GABRG1: variants seen among roughly 807,000 people sequenced by gnomAD.
GABRG1 encodes the protein gamma-aminobutyric acid receptor subunit gamma-1.
Under a neutral mutation model 49.8 loss-of-function variants are expected in GABRG1, and 49 were observed. The ratio of observed to expected loss-of-function variants is 0.98; its 90% confidence interval spans 0.78 to 1.25. The LOEUF (loss-of-function observed/expected upper bound fraction) is 1.25. Among genes scored for constraint, GABRG1 ranks in the 50% most tolerant of loss-of-function variants. GABRG1 has a pLI of 0.00. For synonymous variants in GABRG1, 232 were observed against 185.1 expected (o/e 1.25, Z -2.06); for missense variants, 552 against 552.3 (o/e 1.00, Z 0.01).
intron 2 of GABRG1, among the ~76,000 whole-genome samples, chr4:46,089,559 A>G (rs973046699): frequency 6.6e-6 from 1 of 152,110 alleles, no homozygotes; most frequent in South Asian, 2.1e-4. Context: ...CCTGTGTCTC[A>G]AGAGAGGATG....
chr4:46,116,404 G>A (rs1185860240), intron 1 of GABRG1, among the ~76,000 whole-genome samples: 2 of 150,648 alleles, frequency 1.3e-5, no homozygotes, highest in African/African-American at 4.8e-5. Context: ...AATACAAATC[G>A]TGGTGACATT....
In GABRG1 at chr4:46,041,197, G is replaced by A. The variant is rs1462801964; in HGVS notation, c.1189C>T (p.Pro397Ser). The A allele has an allele frequency of 2.5e-6, 4 of 1,612,800 alleles. No individual in the cohort carries two copies. The East Asian group carries it at 8.9e-5, about 36-fold the overall frequency. ...TLIPMNNISV[P>S]QEDDYGYQCL... ...TGATACCCATAATCATCTTCTTGCGGCACAGAAATATTATTCATTGGAATC... is the reference window on the plus strand; with the variant it reads ...TGATACCCATAATCATCTTCTTGCGACACAGAAATATTATTCATTGGAATC... The change falls in exon 9 of 9, where the codon CCG becomes TCG. Residue 397 changes from proline (P) to serine (S), a missense_variant. Physicochemically the swap from Pro to Ser is moderately conservative, Grantham distance 74. Transcript: ENST00000295452.
intron 5 of GABRG1, 97 bp downstream of exon 5, chr4:46,064,343 CT>C (rs1294110193): frequency 2.3e-5 from 15 of 651,102 alleles, no homozygotes; most frequent in Non-Finnish European, 3.4e-5. Context: ...ATAACTCACA[CT>C]TTTGAAAATC....
At chr4:46,062,337 C>A (rs894377295) in intron 5 of GABRG1, among the ~76,000 whole-genome samples, 1 of 151,864 alleles carries the variant, frequency 6.6e-6, no homozygotes, top group Non-Finnish European at 1.5e-5. Context: ...AATAAACATA[C>A]GTGTGCATGT....
chr4:46,040,992 A>G lies in GABRG1; in HGVS notation c.1394T>C (p.Leu465Ser). 2 of 1,607,196 alleles carry G rather than the reference A, an allele frequency of 1.2e-6. No individual in the cohort carries two copies. Among genetic ancestry groups the G allele is most frequent in the Non-Finnish European group, 1.7e-6 (2 of 1,176,500 alleles). Reference protein sequence around the residue: ...NLVYWVGYLYL With the variant: ...NLVYWVGYLYS ...TTTTTGCTTATGAAGTAGATTTTATAAGTAAAGATAGCCAACCCAATAAAC... is the reference window on the plus strand; with the variant it reads ...TTTTTGCTTATGAAGTAGATTTTATGAGTAAAGATAGCCAACCCAATAAAC... Residue 465 changes from leucine to serine, a missense_variant, in exon 9 of 9, where the codon TTA becomes TCA. Transcript: ENST00000295452.
At chr4:46,094,866 A>T (rs891970941) in intron 2 of GABRG1, among the ~76,000 whole-genome samples, 2 of 151,972 alleles carry the variant, frequency 1.3e-5, no homozygotes, top group Non-Finnish European at 1.5e-5. Flanking sequence ...CAAAATAATT[A>T]TTGCAGAATT....
intron 1 of GABRG1, among the ~76,000 whole-genome samples, chr4:46,121,100 T>C (rs1721078559): frequency 6.6e-6 from 1 of 151,756 alleles, no homozygotes; most frequent in African/African-American, 2.4e-5. Flanking sequence ...TAAAATAGTG[T>C]TTCTCCTCTA....
rs34820575 is a variant in GABRG1, at chr4:46,060,257, A to ATGTG, written c.626-1639_626-1636dup. ...CTCCCTTTTAGCTTTCGGTGGTTGT[A>ATGTG]TGTGTGTGTGTGTGTGTGTGTGTGT... On this transcript the variant is annotated intron_variant, in intron 5 of 8. Transcript: ENST00000295452. Among the ~76,000 whole-genome samples the ATGTG allele has an allele frequency of 6.8e-3, 1,019 of 149,386 alleles. 5 individuals carry two copies. The highest frequency in any genetic ancestry group is 0.02 in the African/African-American group (827 of 40,796).
At chr4:46,119,771 TTTAA>T (rs1330515979) in intron 1 of GABRG1, among the ~76,000 whole-genome samples, 1 of 151,522 alleles carries the variant, frequency 6.6e-6, no homozygotes, top group Admixed American at 6.6e-5. Flanking sequence ...ATATTTTTTA[TTTAA>T]TTAGTGTCAT....
chr4:46,121,483 A>T (rs1186684183), intron 1 of GABRG1, among the ~76,000 whole-genome samples: 1 of 152,000 alleles, frequency 6.6e-6, no homozygotes, highest in East Asian at 1.9e-4. Context: ...AGCATGCTTT[A>T]TTTCCTTTTA....
At chr4:46,105,173 A>ATTT (rs1720492436) in intron 1 of GABRG1, among the ~76,000 whole-genome samples, 1 of 151,460 alleles carries the variant, frequency 6.6e-6, no homozygotes, top group Non-Finnish European at 1.5e-5. Context: ...AGCTGGCAGA[A>ATTT]TGATACTTGC....
chr4:46,073,734 C>T (rs186606970), intron 3 of GABRG1, among the ~76,000 whole-genome samples: 10 of 152,112 alleles, frequency 6.6e-5, no homozygotes, highest in Non-Finnish European at 1.2e-4. Context: ...TTTTCCTATA[C>T]ATAAGTACCT....
intron 8 of GABRG1, among the ~76,000 whole-genome samples, chr4:46,049,241 C>T (rs1040118437): frequency 1.3e-5 from 2 of 151,796 alleles, no homozygotes; most frequent in South Asian, 4.1e-4. Flanking sequence ...CCAGAAAGCC[C>T]TTAAATAGAG....
intron 5 of GABRG1, among the ~76,000 whole-genome samples, chr4:46,060,040 T>C (rs962807636): frequency 6.6e-6 from 1 of 152,196 alleles, no homozygotes; most frequent in South Asian, 2.1e-4. Context: ...TGTAGCTGTC[T>C]AGAACGGAGG....
chr4:46,116,743 AT>A (rs1182669621), intron 1 of GABRG1, among the ~76,000 whole-genome samples: 3 of 150,858 alleles, frequency 2.0e-5, no homozygotes, highest in Non-Finnish European at 4.5e-5. Flanking sequence ...CAATCTGATG[AT>A]TTTGGAAATG....
At chr4:46,111,278 T>G (rs1033899292) in intron 1 of GABRG1, among the ~76,000 whole-genome samples, 1 of 150,758 alleles carries the variant, frequency 6.6e-6, no homozygotes, top group African/African-American at 2.4e-5. Context: ...TAGGAAAACA[T>G]GTAACCAAGG....
rs1269069302 is a variant in GABRG1, at chr4:46,056,150, TTAAAAAA to T, written c.916+2060_916+2066del. On this transcript the variant is annotated intron_variant, in intron 7 of 8. Transcript: ENST00000295452. ...AAAAAAAAAAAAATAAATAAATAAA[TTAAAAAA>T]AAAAAAAAAAAAAAAAAAAAAAATA... Among the ~76,000 whole-genome samples the T allele has an allele frequency of 6.9e-4, 32 of 46,068 alleles. 4 individuals carry two copies. In the East Asian group the frequency reaches 0.019, roughly 27 times the overall value. The allele number at this position is 46,068 out of a possible 152,430, so 30.2% of individuals were successfully genotyped here. A position where few individuals can be genotyped will look rare whatever the true frequency, so the allele number is the denominator to read the frequency against.
At chr4:46,091,637 T>TAA (rs2109427911) in intron 2 of GABRG1, among the ~76,000 whole-genome samples, 1 of 152,036 alleles carries the variant, frequency 6.6e-6, no homozygotes, top group South Asian at 2.1e-4. Flanking sequence ...AGGTCGGTAA[T>TAA]AAAGAGCAGA....
At chr4:46,048,868 A>G (rs1170786337) in intron 8 of GABRG1, among the ~76,000 whole-genome samples, 1 of 151,912 alleles carries the variant, frequency 6.6e-6, no homozygotes, top group South Asian at 2.1e-4. Context: ...CTAAAAATCT[A>G]TTTTGTTCAA....
Sources: gnomAD v4.1 joint callset for allele counts (sites outside exome capture counted in the v4.1 genomes callset) on GRCh38, gnomAD v4.1.1 for gene constraint, MANE v1.5 for transcripts, NCBI Gene and HGNC (gene_info 2026-07-23, HGNC 2026-07-21) for gene names.